PHLPP2: variants seen among roughly 807,000 people sequenced by gnomAD.
The protein encoded by PHLPP2 is PH domain leucine-rich repeat-containing protein phosphatase 2.
A neutral mutation model predicts 124.9 loss-of-function variants in PHLPP2; 66 were observed. The ratio of observed to expected loss-of-function variants is 0.53; its 90% CI spans 0.43 to 0.65. The LOEUF (loss-of-function observed/expected upper bound fraction) is 0.65. PHLPP2 is among the 30% of genes least tolerant of loss of function. The pLI is 0.00. For synonymous variants in PHLPP2, 681 were observed against 624.7 expected, an observed-to-expected ratio of 1.09 and a Z score of -1.34; for missense variants, 1,685 against 1,600.4, an observed-to-expected ratio of 1.05 and a Z score of -0.90.
chr16:71,695,221 C>A (rs184900823), intron 3 of PHLPP2, among the ~76,000 whole-genome samples: 2 of 152,260 alleles, frequency 1.3e-5, no homozygotes. Flanking sequence ...ATATTTTAAA[C>A]GTGAGTAACC....
chr16:71,674,410 A>T (rs1183306889), intron 9 of PHLPP2, among the ~76,000 whole-genome samples: 1 of 151,604 alleles, frequency 6.6e-6, no homozygotes, highest in Non-Finnish European at 1.5e-5. Context: ...AAGAATTAAA[A>T]TACCACACAT....
chr16:71,679,018 T>C (rs568306554), intron 7 of PHLPP2, 33 bp from the exon 8 acceptor site: 2 of 1,216,182 alleles, frequency 1.6e-6, no homozygotes, highest in African/African-American at 3.0e-5. Flanking sequence ...GTCTACTTTA[T>C]GAAAGGTTTC....
At chr16:71,705,247 T>C (rs960432140) in intron 2 of PHLPP2, among the ~76,000 whole-genome samples, 10 of 152,220 alleles carry the variant, frequency 6.6e-5, no homozygotes, top group Admixed American at 2.0e-4. Context: ...ACCTTCCTAA[T>C]ATAATACAAA....
rs957429780 is a variant in PHLPP2 at position 71,681,754 on chromosome 16, T to C, written c.887A>G (p.Tyr296Cys). 5.0e-6 allele frequency: 8 copies of C among 1,611,878 alleles called. No individual in the cohort carries two copies. The African/African-American group carries it at 8.0e-5, about 16-fold the overall frequency. The change falls in exon 6 of 19, where the codon TAC (tyrosine) becomes TGC (cysteine). Residue 296 changes from tyrosine to cysteine, a missense_variant. By Grantham distance (194) the Tyr-to-Cys change is radical. Coordinates refer to ENST00000568954, the MANE Select transcript of PHLPP2 (RefSeq NM_015020.3). ...TGGAAACCCATTCTCCACATACTTG[T>C]AGAGTGTATCGAGGCCTCCGGGTCT... ...LERPGGLDTL[Y>C]KFSQLKGLNL...
At position 71,714,612 on chromosome 16, in the gene PHLPP2, A is replaced by G. The variant is rs1262948974; in HGVS notation, c.184T>C (p.Leu62=). The G allele has an allele frequency of 2.5e-6, 4 of 1,614,104 alleles. No individual in the cohort carries two copies. The change falls in exon 2 of 19, where the codon TTA becomes CTA. Residue 62 remains leucine (L), a synonymous_variant. Transcript: ENST00000568954. ...TCTACAGTGCAAAGGACGAGATGTA[A>G]GTCAGAGGAAGAGGAGGAGGAGGAA... is the stretch of plus-strand genomic sequence containing the variant. ...SSSSSSSSSD[L]HLVLCTVETP...
intron 17 of PHLPP2, among the ~76,000 whole-genome samples, chr16:71,653,378 GAGTTTCTGAATC>G (rs1322325170): frequency 6.6e-6 from 1 of 152,174 alleles, no homozygotes; most frequent in Non-Finnish European, 1.5e-5. Context: ...CCTAGGCCCA[GAGTTTCTGAATC>G]AGTGGGTAAG....
intron 5 of PHLPP2, among the ~76,000 whole-genome samples, chr16:71,683,690 G>C (rs993299988): frequency 6.6e-6 from 1 of 152,092 alleles, no homozygotes; most frequent in East Asian, 1.9e-4. Flanking sequence ...AAGACCTGGT[G>C]GAATTCCATG....
chr16:71,696,399 G>A (rs1257828095), intron 3 of PHLPP2, among the ~76,000 whole-genome samples: 1 of 152,070 alleles, frequency 6.6e-6, no homozygotes, highest in Non-Finnish European at 1.5e-5. Flanking sequence ...CACTTCAGGA[G>A]GCCAAGGTGG....
chr16:71,654,008 A>T (rs1371081302), intron 17 of PHLPP2, among the ~76,000 whole-genome samples: 1 of 152,014 alleles, frequency 6.6e-6, no homozygotes, highest in Non-Finnish European at 1.5e-5. Flanking sequence ...ATCCTGGCTA[A>T]CACGGTGAAA....
In PHLPP2 at chr16:71,652,820, C is replaced by A. The variant is rs2145304568; in HGVS notation, c.2787G>T (p.Arg929Ser). ...TGATGATGGCTTTTTGGTCCTTCAC[C>A]CTTTGAGCCTCCTCTGGGTCCTGCT... ...SLEQDPEEAQ[R>S]VKDQKAIITE... Residue 929 changes from arginine to serine, a missense_variant, in exon 18 of 19, where the codon AGG (arginine) becomes AGT (serine). By Grantham distance (110) the Arg-to-Ser change is moderately radical. Coordinates refer to ENST00000568954, the MANE Select transcript of PHLPP2 (RefSeq NM_015020.3). The A allele has an allele frequency of 1.9e-6, 3 of 1,614,090 alleles. No individual in the cohort carries two copies. Among genetic ancestry groups the A allele is most frequent in the Non-Finnish European group, 8.5e-7 (1 of 1,179,970 alleles).
At chr16:71,709,203 T>TTCA (rs2045307272) in intron 2 of PHLPP2, among the ~76,000 whole-genome samples, 10 of 152,256 alleles carry the variant, frequency 6.6e-5, no homozygotes, top group Middle Eastern at 3.4e-3. Flanking sequence ...CCCTATTCAG[T>TTCA]GGTAATCAGT....
intron 17 of PHLPP2, among the ~76,000 whole-genome samples, chr16:71,653,314 A>C (rs2044711653): frequency 6.6e-6 from 1 of 151,956 alleles, no homozygotes; most frequent in Admixed American, 6.6e-5. Flanking sequence ...GGGGCTCTCA[A>C]ACTTTAACAC....
At chr16:71,679,335 AG>A in intron 7 of PHLPP2, 53 bp downstream of exon 7, 1 of 1,499,206 alleles carries the variant, frequency 6.7e-7, no homozygotes, top group Non-Finnish European at 9.3e-7. Flanking sequence ...TCCAAACCCC[AG>A]GCAAGTTCCT....
At chr16:71,658,418 A>G in intron 14 of PHLPP2, 55 bp from the exon 15 acceptor site, 1 of 1,508,618 alleles carries the variant, frequency 6.6e-7, no homozygotes, top group South Asian at 1.2e-5. Flanking sequence ...TTAGTTCTTT[A>G]CTCCCAAGTG....
rs909594603 is a variant in PHLPP2 at position 71,646,251 on chromosome 16, C to T, written c.*2639G>A. 1 of 152,278 alleles carries T rather than the reference C, an allele frequency of 6.6e-6. No individual in the cohort carries two copies. Among genetic ancestry groups the T allele is most frequent in the East Asian group, 1.9e-4 (1 of 5,204 alleles). 9.4% of individuals were successfully genotyped at this position (152,278 alleles called of 1,614,324 possible). On this transcript the variant is annotated 3_prime_UTR_variant, in exon 19 of 19. Transcript: ENST00000568954. ...TTATATTTTTCATAATGGGCTATGG[C>T]CTTTTTACCCTGTTTTAATACAGAG...
At chr16:71,710,506 T>G (rs1386230371) in intron 2 of PHLPP2, among the ~76,000 whole-genome samples, 1 of 152,232 alleles carries the variant, frequency 6.6e-6, no homozygotes, top group African/African-American at 2.4e-5. Flanking sequence ...GGCAATGGTT[T>G]AGTCAATGCA....
intron 3 of PHLPP2, among the ~76,000 whole-genome samples, chr16:71,702,267 C>T (rs1412304277): frequency 6.6e-6 from 1 of 152,004 alleles, no homozygotes; most frequent in Non-Finnish European, 1.5e-5. Context: ...TTGAGCTATC[C>T]AGAAGTTCAC....
At chr16:71,654,318 C>A (rs1337806079) in intron 17 of PHLPP2, among the ~76,000 whole-genome samples, 1 of 151,956 alleles carries the variant, frequency 6.6e-6, no homozygotes, top group African/African-American at 2.4e-5. Context: ...TATCGGTCCA[C>A]CTGACATGCA....
At chr16:71,674,001 G>C in intron 9 of PHLPP2, among the ~76,000 whole-genome samples, 1 of 151,936 alleles carries the variant, frequency 6.6e-6, no homozygotes, top group African/African-American at 2.4e-5. Context: ...GAAAAATAAA[G>C]AGCATAAAAT....
Sources: allele counts gnomAD v4.1 joint callset (sites outside exome capture counted in the v4.1 genomes callset), GRCh38; gene constraint gnomAD v4.1.1; transcripts MANE v1.5; gene names NCBI Gene and HGNC (gene_info 2026-07-23, HGNC 2026-07-21).